The following SHPRH variants were observed in gnomAD, a reference collection of about 807,000 sequenced individuals.
The protein encoded by SHPRH is E3 ubiquitin-protein ligase SHPRH.
A neutral mutation model predicts 202.5 loss-of-function variants in SHPRH; 106 were observed. The observed-to-expected ratio is 0.52, with a 90% CI of 0.45 to 0.62. SHPRH has a LOEUF of 0.62. SHPRH is among the 20% of genes least tolerant of loss of function. SHPRH has a pLI of 0.00. For missense variants in SHPRH, 1,710 were observed against 2,020.0 expected, an observed-to-expected ratio of 0.85 and a Z score of 2.94; for synonymous variants, 729 against 686.0, an observed-to-expected ratio of 1.06 and a Z score of -0.98.
At chr6:145,902,731 G>A (rs1782611727) in intron 25 of SHPRH, among the ~76,000 whole-genome samples, 1 of 152,062 alleles carries the variant, frequency 6.6e-6, no homozygotes, top group Non-Finnish European at 1.5e-5. Context: ...CTATTCAATT[G>A]TTTACACAGA....
chr6:145,873,463 C>A (rs1444294266), intron 2 of SHPRH, among the ~76,000 whole-genome samples: 1 of 152,072 alleles, frequency 6.6e-6, no homozygotes, highest in Non-Finnish European at 1.5e-5. Context: ...TTAATAAGTT[C>A]ACTTTATTTT....
Position 145,911,327 on chromosome 6 carries a change from G to A in SHPRH, c.4327-691C>T, listed in dbSNP as rs116072275. On this transcript the variant is annotated intron_variant, in intron 24 of 29. Coordinates refer to ENST00000275233, the MANE Select transcript of SHPRH (RefSeq NM_001042683.3). ...AATTTTTGTATTTTTAGTAGAGAGG[G>A]GTTTCACCACACTGACCAGACTGGT... is the stretch of plus-strand genomic sequence containing the variant. Among the ~76,000 whole-genome samples, 491 of 151,994 alleles carry A rather than the reference G, an allele frequency of 3.2e-3. 3 individuals carry two copies. Among genetic ancestry groups the A allele is most frequent in the African/African-American group, 0.011 (470 of 41,452 alleles).
chr6:145,935,954 T>C (rs1181772906), intron 11 of SHPRH: 1 of 152,618 alleles, frequency 6.6e-6, no homozygotes, highest in Non-Finnish European at 1.5e-5. Context: ...AAGATTTACT[T>C]ACACAGTGAT....
chr6:145,877,406 G>A (rs545318438), intron 2 of SHPRH, among the ~76,000 whole-genome samples: 32 of 152,298 alleles, frequency 2.1e-4, no homozygotes, highest in Admixed American at 9.8e-4. Context: ...GGTCTGGGGA[G>A]TCATGTCCTA....
intron 2 of SHPRH, among the ~76,000 whole-genome samples, chr6:145,878,190 A>C (rs1017244141): frequency 6.6e-6 from 1 of 152,218 alleles, no homozygotes; most frequent in South Asian, 2.1e-4. Context: ...AAAATTGAGC[A>C]GAAAGTACAC....
At chr6:145,927,045 A>C in intron 15 of SHPRH, 144 bp downstream of exon 15, 1 of 715,940 alleles carries the variant, frequency 1.4e-6, no homozygotes, top group South Asian at 1.8e-5. Context: ...AAATCATCTA[A>C]AATGCTTATT....
intron 2 of SHPRH, among the ~76,000 whole-genome samples, chr6:145,877,377 C>A (rs1316616819): frequency 2.0e-5 from 3 of 152,148 alleles, no homozygotes; most frequent in African/African-American, 7.2e-5. Context: ...TTTTATCTTG[C>A]CCAAATTCCT....
At position 145,885,363 on chromosome 6, in the gene SHPRH, T is replaced by C. The variant is rs1780909697; in HGVS notation, c.*1328A>G. 6.6e-6 allele frequency: 1 copy of C among 152,588 alleles called. No individual in the cohort carries two copies. The highest frequency in any genetic ancestry group is 1.5e-5 in the Non-Finnish European group (1 of 68,040). 9.5% of individuals were successfully genotyped at this position (152,588 alleles called of 1,614,324 possible). On this transcript the variant is annotated 3_prime_UTR_variant, in exon 30 of 30. Transcript: ENST00000275233. ...AAAGCATGTGTGTGTTTTCTTCAGTTGAATTACATCACTCTATAAACCTAG... is the reference window on the plus strand; with the variant it reads ...AAAGCATGTGTGTGTTTTCTTCAGTCGAATTACATCACTCTATAAACCTAG...
chr6:145,916,729 T>C (rs1049123348), intron 23 of SHPRH, among the ~76,000 whole-genome samples: 2 of 152,138 alleles, frequency 1.3e-5, no homozygotes, highest in Non-Finnish European at 2.9e-5. Flanking sequence ...ATATTTAAAG[T>C]ATAGAAATCT....
At chr6:145,918,383 G>A in intron 22 of SHPRH, 151 bp from the exon 23 acceptor site, 2 of 411,718 alleles carry the variant, frequency 4.9e-6, no homozygotes, top group Middle Eastern at 6.7e-4. Context: ...ATGGATACTA[G>A]ATAATATATT....
At position 145,936,978 on chromosome 6, in the gene SHPRH, C is replaced by CTT. The variant is rs1206387630; in HGVS notation, c.2570-1539_2570-1538dup. On this transcript the variant is annotated intron_variant, in intron 11 of 29. Coordinates refer to ENST00000275233, the MANE Select transcript of SHPRH (RefSeq NM_001042683.3). ...TAATCTTTTTGCACACATGCTTCAT[C>CTT]TTTTTTTTTTTTTTTTTTTTTTTGA... is the stretch of plus-strand genomic sequence containing the variant. Among the ~76,000 whole-genome samples, 414 of 125,576 alleles carry CTT rather than the reference C, an allele frequency of 3.3e-3. 1 individual carries two copies. The highest frequency in any genetic ancestry group is 5.2e-3 in the Non-Finnish European group (313 of 60,086). The allele number at this position is 125,576 out of a possible 152,430, so 82.4% of individuals were successfully genotyped here. A position where few individuals can be genotyped will look rare whatever the true frequency, so the allele number is the denominator to read the frequency against.
intron 2 of SHPRH, chr6:145,876,571 G>A (rs1780314349): frequency 1.3e-5 from 2 of 151,958 alleles, no homozygotes; most frequent in South Asian, 2.1e-4. Context: ...TCCATTTATC[G>A]TTTGATAGGC....
In SHPRH at chr6:145,951,816, G is replaced by A. The variant is rs1278794457; in HGVS notation, c.763+533C>T. ...CATGAGCAGAACTTGGAGAATTTGG[G>A]CTGTTTTTCCAGTAGTGTTGATGAG... On this transcript the variant is annotated intron_variant, in intron 3 of 29. Coordinates refer to ENST00000275233, the MANE Select transcript of SHPRH (RefSeq NM_001042683.3). The A allele has an allele frequency of 8.8e-6, 4 of 455,854 alleles. No individual in the cohort carries two copies. In the Admixed American group the frequency reaches 9.4e-5, roughly 11 times the overall value. The allele number at this position is 455,854 out of a possible 1,614,324, so 28.2% of individuals were successfully genotyped here.
Position 145,922,832 on chromosome 6 carries a change from G to A in SHPRH, c.3550C>T (p.Arg1184Cys), listed in dbSNP as rs148401398. The A allele has an allele frequency of 4.9e-3, 7,827 of 1,606,940 alleles. 26 individuals carry two copies. Among genetic ancestry groups the A allele is most frequent in the Non-Finnish European group, 5.9e-3 (6,932 of 1,176,454 alleles). The change falls in exon 19 of 30, where the codon CGT becomes TGT. Residue 1184 changes from arginine to cysteine, a missense_variant. Arg to Cys is a radical substitution (Grantham distance 180). This residue lies in a region of SHPRH where 288 missense variants were observed against 317.8 expected (regional missense o/e 0.91). Coordinates refer to ENST00000275233, the MANE Select transcript of SHPRH (RefSeq NM_001042683.3). ...AAGAACTGAAGACCTCTGCAATCAC[G>A]GAACCTGATTCCCACACCAGCACCA... Reference protein sequence around the residue: ...TGKLSMSEKFRDCRGLQFLLT... With the variant: ...TGKLSMSEKFCDCRGLQFLLT...
At chr6:145,929,205 T>A (rs1785185993) in intron 14 of SHPRH, among the ~76,000 whole-genome samples, 1 of 151,914 alleles carries the variant, frequency 6.6e-6, no homozygotes, top group Non-Finnish European at 1.5e-5. Flanking sequence ...AAGGTTTAAG[T>A]CAAATTTGGA....
rs1233594127 is a variant in SHPRH at position 145,964,294 on chromosome 6, G to T, written c.-596C>A. On this transcript the variant is annotated 5_prime_UTR_variant, in exon 1 of 30. Transcript: ENST00000275233. ...GGGCACGAGCGCTTTTTGCCGGAAC[G>T]TGTAGGGGTCCCCCGGGAGACCCAG... The T allele has an allele frequency of 6.6e-6, 1 of 151,784 alleles. No homozygotes were observed. Among genetic ancestry groups the T allele is most frequent in the African/African-American group, 2.4e-5 (1 of 41,448 alleles). 9.4% of individuals were successfully genotyped at this position (151,784 alleles called of 1,614,324 possible).
At chr6:145,860,159 A>G (rs941335791), downstream of SHPRH, among the ~76,000 whole-genome samples, 1 of 152,056 alleles carries the variant, frequency 6.6e-6, no homozygotes, top group Non-Finnish European at 1.5e-5. Context: ...TCTATTCAAT[A>G]TAGTATTGAA....
chr6:145,872,476 A>C (rs1481305757), intron 2 of SHPRH, among the ~76,000 whole-genome samples: 2 of 152,236 alleles, frequency 1.3e-5, no homozygotes, highest in Non-Finnish European at 2.9e-5. Context: ...ATGCAAATCA[A>C]AACCAAATGA....
chr6:145,949,077 G>A (rs979010298), intron 4 of SHPRH, among the ~76,000 whole-genome samples: 7 of 151,938 alleles, frequency 4.6e-5, no homozygotes, highest in African/African-American at 1.2e-4. Flanking sequence ...ATGTTGGCAC[G>A]AAGCCAGTAA....
Sources: gnomAD v4.1 joint callset for allele counts (sites outside exome capture counted in the v4.1 genomes callset) on GRCh38, gnomAD v4.1.1 for gene constraint, gnomAD v4.1.1 regional missense constraint, MANE v1.5 for transcripts, NCBI Gene and HGNC (gene_info 2026-07-23, HGNC 2026-07-21) for gene names.